The following PUS10 variants were observed in gnomAD, a reference collection of about 807,000 sequenced individuals.
The protein encoded by PUS10 is tRNA pseudouridine synthase Pus10.
In PUS10, 59 loss-of-function variants were observed where a neutral mutation model predicts 75.0. That is an observed-to-expected ratio of 0.79 (90% CI 0.64 to 0.98). PUS10 has a LOEUF of 0.98. Among genes scored for constraint, PUS10 ranks in the 50% least tolerant of loss-of-function variants. The pLI, the probability that PUS10 is intolerant of heterozygous loss-of-function variation, is 0.00. For synonymous variants in PUS10, 219 were observed against 211.6 expected (o/e 1.03, Z -0.30); for missense variants, 650 against 614.4 (o/e 1.06, Z -0.61).
intron 4 of PUS10, among the ~76,000 whole-genome samples, chr2:60,991,060 G>A (rs539584187): frequency 4.5e-4 from 69 of 152,070 alleles, no homozygotes; most frequent in Non-Finnish European, 8.7e-4. Context: ...TTATTTTTTT[G>A]TAGAGACGGA....
At chr2:60,949,132 CCTAA>C in intron 15 of PUS10, among the ~76,000 whole-genome samples, 1 of 152,172 alleles carries the variant, frequency 6.6e-6, no homozygotes, top group African/African-American at 2.4e-5. Flanking sequence ...AATGGCTCCT[CCTAA>C]CTCTGTGGTT....
rs1412776217 is a variant in PUS10 at position 61,018,185 on chromosome 2, G to A, written c.-193C>T. On this transcript the variant is annotated 5_prime_UTR_variant, in exon 1 of 18. It adds an upstream start codon to the 5' untranslated region. Coordinates refer to ENST00000316752, the MANE Select transcript of PUS10 (RefSeq NM_144709.4). ...AGAATGGCTTCTCTATCTTTAAAGC[G>A]TAGACTTTGGTCTGTAGCAGTTGAG... 1.9e-6 allele frequency: 3 copies of A among 1,550,878 alleles called. No homozygotes were observed. The highest frequency in any genetic ancestry group is 2.6e-6 in the Non-Finnish European group (3 of 1,146,902).
intron 4 of PUS10, among the ~76,000 whole-genome samples, chr2:61,002,550 T>A (rs1256652735): frequency 6.6e-6 from 1 of 152,174 alleles, no homozygotes; most frequent in Non-Finnish European, 1.5e-5. Context: ...TGGGCTACAG[T>A]GATCCTCCCA....
chr2:60,970,556 C>T (rs921117384), intron 5 of PUS10, among the ~76,000 whole-genome samples: 6 of 151,742 alleles, frequency 4.0e-5, no homozygotes, highest in South Asian at 2.1e-4. Context: ...TTGAAGGAGG[C>T]GATTTAGAGA....
intron 4 of PUS10, among the ~76,000 whole-genome samples, chr2:60,990,131 C>G (rs552491058): frequency 6.6e-6 from 1 of 151,980 alleles, no homozygotes; most frequent in Non-Finnish European, 1.5e-5. Context: ...TTTTCTAAAA[C>G]ACCCATACAC....
intron 3 of PUS10, among the ~76,000 whole-genome samples, 156 bp from the exon 4 acceptor site, chr2:61,006,799 T>C (rs967026410): frequency 6.6e-6 from 1 of 152,208 alleles, no homozygotes; most frequent in Non-Finnish European, 1.5e-5. Context: ...ATCTTGAGAT[T>C]AAATATTGCC....
At chr2:60,967,102 T>G in intron 6 of PUS10, 1 of 183,674 alleles carries the variant, frequency 5.4e-6, no homozygotes, top group South Asian at 1.1e-4. Flanking sequence ...TTGAATAGGT[T>G]CTGTCCATGC....
At chr2:60,988,557 C>T (rs930564575) in intron 4 of PUS10, among the ~76,000 whole-genome samples, 22 of 152,038 alleles carry the variant, frequency 1.4e-4, no homozygotes, top group African/African-American at 5.1e-4. Flanking sequence ...TAGACAAATG[C>T]AAAAATTTTA....
rs199750348 is a variant in PUS10, at chr2:60,970,654, C to CG, written c.503+868dup. Among the ~76,000 whole-genome samples, 297 of 149,870 alleles carry CG rather than the reference C, an allele frequency of 2.0e-3. 2 individuals are homozygous for CG. Among genetic ancestry groups the CG allele is most frequent in the African/African-American group, 6.9e-3 (275 of 39,912 alleles). On this transcript the variant is annotated intron_variant, in intron 5 of 17. Coordinates refer to ENST00000316752, the MANE Select transcript of PUS10 (RefSeq NM_144709.4). ...ATGTAGTACCACCCCAGAGCCTGGG[C>CG]GGGGGAGGGGACGGAAATGATATAC...
At chr2:60,973,905 A>G (rs1676854550) in intron 4 of PUS10, among the ~76,000 whole-genome samples, 1 of 152,222 alleles carries the variant, frequency 6.6e-6, no homozygotes, top group African/African-American at 2.4e-5. Context: ...GGGGACAACC[A>G]ACAGCAGAGA....
At chr2:60,946,725 A>C (rs1674963817) in intron 16 of PUS10, among the ~76,000 whole-genome samples, 1 of 152,148 alleles carries the variant, frequency 6.6e-6, no homozygotes, top group Admixed American at 6.5e-5. Flanking sequence ...CAGGGGAAGA[A>C]GTGAATGCAG....
intron 8 of PUS10, among the ~76,000 whole-genome samples, chr2:60,963,202 T>C (rs561602733): frequency 9.2e-5 from 14 of 152,336 alleles, no homozygotes; most frequent in Admixed American, 2.6e-4. Flanking sequence ...ATAATTCAAA[T>C]ACAAAACATG....
At chr2:60,967,413 G>GT (rs1375686946) in intron 6 of PUS10, 89 bp downstream of exon 6, 29 of 853,358 alleles carry the variant, frequency 3.4e-5, no homozygotes, top group Non-Finnish European at 4.7e-5. Flanking sequence ...TTAAAAAGAA[G>GT]TTTTTTTGGC....
At chr2:61,000,824 C>T (rs559384333) in intron 4 of PUS10, among the ~76,000 whole-genome samples, 2 of 152,250 alleles carry the variant, frequency 1.3e-5, no homozygotes, top group East Asian at 1.9e-4. Context: ...TCTAGGTCAT[C>T]GCCAAGGTCT....
Position 60,954,068 on chromosome 2 carries a change from A to G in PUS10, c.1134+14T>C. ...GCAGAAACATGACGATTTCCATGGC[A>G]TGAAGTGGTTTACCTGCTGAAGTTC... On this transcript the variant is annotated intron_variant, in intron 13 of 17. Transcript: ENST00000316752. 7 of 1,613,442 alleles carry G rather than the reference A, an allele frequency of 4.3e-6. No homozygotes were observed. The highest frequency in any genetic ancestry group is 2.2e-5 in the East Asian group (1 of 44,882).
rs1661661646 is a variant in PUS10 at position 61,011,902 on chromosome 2, A to G, written c.-12T>C. On this transcript the variant is annotated 5_prime_UTR_variant, in exon 2 of 18. Coordinates refer to ENST00000316752, the MANE Select transcript of PUS10 (RefSeq NM_144709.4). ...GTCAGTGGGAACATATTGAATAATT[A>G]TAACTAGAAAGAAAAGAAGTAAAAC... 1 of 1,589,384 alleles carries G rather than the reference A, an allele frequency of 6.3e-7. No individual in the cohort carries two copies. The highest frequency in any genetic ancestry group is 8.5e-7 in the Non-Finnish European group (1 of 1,172,986).
At chr2:60,960,843 T>TAAA (rs34578958) in intron 10 of PUS10, among the ~76,000 whole-genome samples, 1 of 120,656 alleles carries the variant, frequency 8.3e-6, no homozygotes. Flanking sequence ...ATACCAAGGA[T>TAAA]AAAAAAAAAA....
intron 16 of PUS10, among the ~76,000 whole-genome samples, chr2:60,947,502 C>G (rs1255781178): frequency 2.0e-5 from 3 of 152,150 alleles, no homozygotes; most frequent in African/African-American, 4.8e-5. Context: ...TGACATTGAA[C>G]TGACTGCTAC....
rs2104737608 is a variant in PUS10 at position 61,011,754 on chromosome 2, A to C, written c.126+11T>G. The C allele has an allele frequency of 2.0e-6, 3 of 1,515,702 alleles. No individual in the cohort carries two copies. In the East Asian group the frequency reaches 7.4e-5, roughly 37 times the overall value. The allele number at this position is 1,515,702 out of a possible 1,614,324, so 93.9% of individuals were successfully genotyped here. The stretch of plus-strand genomic sequence containing the variant: ...TTAATTTGAAAAAAAAAAAAAAAGA[A>C]AAGAAAATACCTTGTATGGAAGTTT... On this transcript the variant is annotated intron_variant, in intron 2 of 17. Coordinates refer to ENST00000316752, the MANE Select transcript of PUS10 (RefSeq NM_144709.4).
Sources: gnomAD v4.1 joint callset for allele counts (sites outside exome capture counted in the v4.1 genomes callset) on GRCh38, gnomAD v4.1.1 for gene constraint, MANE v1.5 for transcripts, NCBI Gene and HGNC (gene_info 2026-07-23, HGNC 2026-07-21) for gene names.